Variants in ACTR2 observed in about 807,000 individuals in gnomAD.
ACTR2 encodes the protein actin related protein 2.
Under a neutral mutation model 50.2 loss-of-function variants are expected in ACTR2, and 5 were observed. The observed-to-expected ratio is 0.10, with a 90% CI of 0.05 to 0.21. ACTR2 has a LOEUF of 0.21. Among genes scored for constraint, ACTR2 ranks in the 10% least tolerant of loss-of-function variants. ACTR2 has a pLI of 1.00. For missense variants in ACTR2, 180 were observed against 480.6 expected (o/e 0.37, Z 5.85); for synonymous variants, 140 against 162.9 (o/e 0.86, Z 1.07).
At chr2:65,257,145 G>A (rs1464847782) in intron 6 of ACTR2, among the ~76,000 whole-genome samples, 2 of 148,962 alleles carry the variant, frequency 1.3e-5, no homozygotes. Context: ...TCCCCTCCCT[G>A]TGCCCATATG....
intron 8 of ACTR2, among the ~76,000 whole-genome samples, chr2:65,267,765 G>C (rs965939140): frequency 3.4e-5 from 5 of 147,854 alleles, no homozygotes; most frequent in Non-Finnish European, 7.5e-5. Context: ...ACAATAGAAA[G>C]TAAGCTTTGC....
chr2:65,265,606 C>A (rs1003473560), intron 8 of ACTR2, among the ~76,000 whole-genome samples: 4 of 152,206 alleles, frequency 2.6e-5, no homozygotes, highest in African/African-American at 9.6e-5. Flanking sequence ...TCTTCTCAGT[C>A]AGATTGAAAA....
At chr2:65,231,555 C>T (rs528815944) in intron 1 of ACTR2, among the ~76,000 whole-genome samples, 3 of 152,190 alleles carry the variant, frequency 2.0e-5, no homozygotes, top group East Asian at 3.9e-4. Flanking sequence ...TGTAGGCTGG[C>T]TGGGTGTGGT....
At chr2:65,261,201 A>T in intron 6 of ACTR2, 46 bp from the exon 7 acceptor site, 1 of 1,608,672 alleles carries the variant, frequency 6.2e-7, no homozygotes, top group Non-Finnish European at 8.5e-7. Flanking sequence ...ACACTGGGAA[A>T]TTTTAATCTT....
intron 1 of ACTR2, among the ~76,000 whole-genome samples, chr2:65,237,423 T>TC (rs1199980257): frequency 2.0e-5 from 3 of 150,616 alleles, no homozygotes; most frequent in Non-Finnish European, 4.5e-5. Context: ...TGTAATTTTT[T>TC]CCGGGGGGGA....
At chr2:65,262,816 AGC>A (rs1191182242) in intron 7 of ACTR2, among the ~76,000 whole-genome samples, 1 of 151,812 alleles carries the variant, frequency 6.6e-6, no homozygotes, top group South Asian at 2.1e-4. Flanking sequence ...CAAAAAGATT[AGC>A]CAGGTATGGT....
chr2:65,256,007 C>T (rs942136776), intron 6 of ACTR2, among the ~76,000 whole-genome samples: 1 of 152,120 alleles, frequency 6.6e-6, no homozygotes, highest in Non-Finnish European at 1.5e-5. Context: ...AACTTTATTT[C>T]CCTGAGATGC....
chr2:65,251,036 G>C lies in ACTR2; in HGVS notation c.385G>C (p.Glu129Gln). 1 of 1,600,710 alleles carries C rather than the reference G, an allele frequency of 6.2e-7. No individual in the cohort carries two copies. Among genetic ancestry groups the C allele is most frequent in the Non-Finnish European group, 8.5e-7 (1 of 1,173,986 alleles). ...CTGTCTGCATTTACAGGTAATGTTT[G>C]AAACTTACCAGTTTTCCGGTGTATA... Reference protein sequence around the residue: ...NREKIVEVMFETYQFSGVYVA... With the variant: ...NREKIVEVMFQTYQFSGVYVA... The change falls in exon 4 of 9, where the codon GAA becomes CAA. Residue 129 changes from glutamate to glutamine, a missense_variant. Transcript: ENST00000260641.
intron 1 of ACTR2, among the ~76,000 whole-genome samples, chr2:65,235,263 T>C (rs1462167163): frequency 6.6e-6 from 1 of 152,076 alleles, no homozygotes; most frequent in Non-Finnish European, 1.5e-5. Context: ...TCCTCTGAGG[T>C]AGTTTTTCCT....
rs149293191 is a variant in ACTR2, at chr2:65,238,826, G to A, written c.49-1026G>A. On this transcript the variant is annotated intron_variant, in intron 1 of 8. Coordinates refer to ENST00000260641, the MANE Select transcript of ACTR2 (RefSeq NM_005722.4). ...CTACTAAAAATGCAAAAATTAGCTG[G>A]GCATGGTGGTGGGTGCCTGTAATCC... 9.6e-3 allele frequency among the ~76,000 whole-genome samples: 1,459 copies of A among 152,110 alleles called. 23 individuals carry two copies. The highest frequency in any genetic ancestry group is 0.034 in the African/African-American group (1,406 of 41,468).
chr2:65,244,933 C>A (rs1671907951), intron 2 of ACTR2, among the ~76,000 whole-genome samples: 2 of 140,890 alleles, frequency 1.4e-5, no homozygotes, highest in African/African-American at 5.3e-5. Flanking sequence ...CAGAGTGAGA[C>A]CCCATCTCAA....
chr2:65,256,046 G>A (rs1366167145), intron 6 of ACTR2, among the ~76,000 whole-genome samples: 2 of 152,140 alleles, frequency 1.3e-5, no homozygotes, highest in Non-Finnish European at 2.9e-5. Context: ...AATTAAAAAG[G>A]ATTACATTGT....
chr2:65,268,329 C>A (rs576547475), intron 8 of ACTR2, among the ~76,000 whole-genome samples: 14 of 152,206 alleles, frequency 9.2e-5, no homozygotes, highest in African/African-American at 3.4e-4. Flanking sequence ...TGATGGGACA[C>A]CACGTGTAAA....
chr2:65,269,926 T>A lies in ACTR2; in HGVS notation c.*1192T>A, dbSNP rs967283767. ...CAAAAAAATCAAGATTTAATTTTTT[T>A]ATTTGTACTGAAAAACTAATCATAA... On this transcript the variant is annotated 3_prime_UTR_variant, in exon 9 of 9. Coordinates refer to ENST00000260641, the MANE Select transcript of ACTR2 (RefSeq NM_005722.4). 4 of 152,252 alleles carry A rather than the reference T, an allele frequency of 2.6e-5. No homozygotes were observed. Among genetic ancestry groups the A allele is most frequent in the Non-Finnish European group, 5.9e-5 (4 of 68,044 alleles). The allele number at this position is 152,252 out of a possible 1,614,324, so 9.4% of individuals were successfully genotyped here. A position where few individuals can be genotyped will look rare whatever the true frequency, so the allele number is the denominator to read the frequency against.
intron 1 of ACTR2, chr2:65,228,159 C>A: frequency 2.3e-6 from 1 of 440,982 alleles, no homozygotes; most frequent in Non-Finnish European, 3.9e-6. Context: ...TTTAGCCTGC[C>A]ACCCCCTCAC....
At chr2:65,268,451 T>C (rs1672427405) in intron 8 of ACTR2, 113 bp from the exon 9 acceptor site, 1 of 912,854 alleles carries the variant, frequency 1.1e-6, no homozygotes, top group South Asian at 1.8e-5. Flanking sequence ...GTTCTACTTA[T>C]ATTACAGGAC....
intron 1 of ACTR2, among the ~76,000 whole-genome samples, chr2:65,235,097 AAG>A (rs1465505185): frequency 6.6e-6 from 1 of 152,152 alleles, no homozygotes; most frequent in Non-Finnish European, 1.5e-5. Flanking sequence ...CATATCATTT[AAG>A]TTTGTATCAA....
At chr2:65,259,785 G>C (rs1318812536) in intron 6 of ACTR2, among the ~76,000 whole-genome samples, 1 of 152,088 alleles carries the variant, frequency 6.6e-6, no homozygotes, top group South Asian at 2.1e-4. Flanking sequence ...AATTAATTCT[G>C]GTATCTCATG....
rs1315058069 is a variant in ACTR2 at position 65,246,458 on chromosome 2, ATTAT to A, written c.160-64_160-61del. The A allele has an allele frequency of 3.6e-6, 4 of 1,112,100 alleles. No individual in the cohort carries two copies. The African/African-American group carries it at 6.4e-5, about 18-fold the overall frequency. 68.9% of individuals were successfully genotyped at this position (1,112,100 alleles called of 1,614,324 possible). Reference sequence around the variant, plus strand: ...GCAAGTGTCAGAAATATTAAAATTAATTATTCCCAAGTTTTCTTAAATATTATGC... The same window carrying A: ...GCAAGTGTCAGAAATATTAAAATTAATCCCAAGTTTTCTTAAATATTATGC... On this transcript the variant is annotated intron_variant, in intron 2 of 8. Transcript: ENST00000260641.
Sources: gnomAD v4.1 joint callset for allele counts (sites outside exome capture counted in the v4.1 genomes callset) on GRCh38, gnomAD v4.1.1 for gene constraint, MANE v1.5 for transcripts, NCBI Gene and HGNC (gene_info 2026-07-23, HGNC 2026-07-21) for gene names.